The following SPRTN variants were observed in gnomAD, a reference collection of about 807,000 sequenced individuals.
The protein encoded by SPRTN is DNA-dependent metalloprotease SPRTN.
Under a neutral mutation model 31.9 loss-of-function variants are expected in SPRTN, and 11 were observed. The ratio of observed to expected loss-of-function variants is 0.34; its 90% CI spans 0.22 to 0.57. The LOEUF is 0.57. Among genes scored for constraint, SPRTN ranks in the 20% least tolerant of loss-of-function variants. The pLI is 0.86. For missense variants in SPRTN, 482 were observed against 590.1 expected (o/e 0.82, Z 1.90); for synonymous variants, 185 against 212.1 (o/e 0.87, Z 1.11).
chr1:231,347,706 A>C, intron 2 of SPRTN, 91 bp from the exon 3 acceptor site: 1 of 1,430,598 alleles, frequency 7.0e-7, no homozygotes, highest in Non-Finnish European at 9.3e-7. Context: ...TGTGATACAG[A>C]AAAGGTTAGA....
At chr1:231,346,786 A>G (rs1489310945) in intron 2 of SPRTN, among the ~76,000 whole-genome samples, 1 of 152,122 alleles carries the variant, frequency 6.6e-6, no homozygotes, top group Non-Finnish European at 1.5e-5. Context: ...CTACTAAAAT[A>G]CAAAAATTAG....
At chr1:231,351,147 A>T (rs1194885738) in intron 3 of SPRTN, among the ~76,000 whole-genome samples, 157 bp from the exon 4 acceptor site, 1 of 148,448 alleles carries the variant, frequency 6.7e-6, no homozygotes, top group Non-Finnish European at 1.5e-5. Flanking sequence ...AACTAAATAT[A>T]GTTGCTTTCT....
chr1:231,340,003 G>A (rs1305263907), intron 2 of SPRTN, 135 bp downstream of exon 2: 2 of 664,162 alleles, frequency 3.0e-6, no homozygotes, highest in East Asian at 2.8e-5. Context: ...GAATTATGGG[G>A]CAAACAATAA....
chr1:231,339,947 C>A, intron 2 of SPRTN, 79 bp downstream of exon 2: 1 of 1,365,098 alleles, frequency 7.3e-7, no homozygotes, highest in Non-Finnish European at 1.0e-6. Flanking sequence ...GTGAATTCGC[C>A]TGTATGTATC....
chr1:231,352,506 C>CTAGTA, intron 4 of SPRTN, 104 bp from the exon 5 acceptor site: 3 of 1,489,952 alleles, frequency 2.0e-6, no homozygotes, highest in South Asian at 1.5e-5. Context: ...GAATAAAATA[C>CTAGTA]TAGTTCTTCA....
intron 3 of SPRTN, 98 bp downstream of exon 3, chr1:231,348,023 C>T: frequency 2.7e-6 from 4 of 1,495,576 alleles, no homozygotes; most frequent in Non-Finnish European, 3.6e-6. Context: ...AAACAAGTAT[C>T]TTTGAGGATT....
chr1:231,340,055 A>AC (rs1043583443), intron 2 of SPRTN, 187 bp downstream of exon 2: 37 of 500,320 alleles, frequency 7.4e-5, no homozygotes, highest in Non-Finnish European at 1.1e-4. Context: ...AGTAAAAAAA[A>AC]AAAAAACAAA....
intron 2 of SPRTN, among the ~76,000 whole-genome samples, chr1:231,343,899 A>G (rs1686975215): frequency 6.6e-6 from 1 of 152,128 alleles, no homozygotes; most frequent in Non-Finnish European, 1.5e-5. Context: ...AACAAAAGTG[A>G]GTTCAGACAA....
intron 2 of SPRTN, among the ~76,000 whole-genome samples, chr1:231,341,510 A>T (rs751430536): frequency 2.6e-5 from 4 of 152,122 alleles, no homozygotes; most frequent in Non-Finnish European, 4.4e-5. Flanking sequence ...TGGATTGTCA[A>T]ATTAGGGATG....
chr1:231,342,922 A>G (rs1686941466), intron 2 of SPRTN, among the ~76,000 whole-genome samples: 1 of 151,790 alleles, frequency 6.6e-6, no homozygotes, highest in South Asian at 2.1e-4. Context: ...TTTTTTTACT[A>G]GAGACGGGGT....
chr1:231,339,923 T>C, intron 2 of SPRTN, 55 bp downstream of exon 2: 2 of 1,513,660 alleles, frequency 1.3e-6, no homozygotes, highest in Middle Eastern at 3.4e-4. Flanking sequence ...TACTTGTCAA[T>C]GATTTAGACT....
intron 3 of SPRTN, among the ~76,000 whole-genome samples, chr1:231,348,194 C>A (rs1468700573): frequency 1.3e-5 from 2 of 152,200 alleles, no homozygotes; most frequent in Non-Finnish European, 2.9e-5. Flanking sequence ...CTTCTGGAAT[C>A]ATCATGATCT....
Position 231,352,985 on chromosome 1 carries a change from C to T in SPRTN, c.1094C>T (p.Ser365Phe), listed in dbSNP as rs1318779022. The change falls in exon 5 of 5, where the codon TCT becomes TTT. Residue 365 changes from serine (S) to phenylalanine (F), a missense_variant. By Grantham distance (155) the Ser-to-Phe change is radical. This residue lies in a region of SPRTN where 325 missense variants were observed against 350.2 expected (regional missense o/e 0.93). Coordinates refer to ENST00000295050, the MANE Select transcript of SPRTN (RefSeq NM_032018.7). ...GGCAACATCCCTAAAAACTCAGTCT[C>T]TTCTAGTTCTCAGAGAAGGGTTTCA... ...TVGNIPKNSVSSSSQRRVSSS... is the reference protein window; with the variant it reads ...TVGNIPKNSVFSSSQRRVSSS... 1 of 1,614,132 alleles carries T rather than the reference C, an allele frequency of 6.2e-7. No individual in the cohort carries two copies. The highest frequency in any genetic ancestry group is 8.5e-7 in the Non-Finnish European group (1 of 1,179,996).
chr1:231,343,907 C>A (rs1393102904), intron 2 of SPRTN, among the ~76,000 whole-genome samples: 1 of 152,036 alleles, frequency 6.6e-6, no homozygotes, highest in East Asian at 1.9e-4. Context: ...TGAGTTCAGA[C>A]AACTGGGGGC....
At chr1:231,346,166 A>AC (rs1312451754) in intron 2 of SPRTN, among the ~76,000 whole-genome samples, 9 of 124,134 alleles carry the variant, frequency 7.3e-5, no homozygotes, top group Non-Finnish European at 1.2e-4. Context: ...AAAGTTGGGC[A>AC]TTTTTTCTTT....
chr1:231,340,062 C>CA (rs1159390029), intron 2 of SPRTN, 194 bp downstream of exon 2: 86 of 349,046 alleles, frequency 2.5e-4, no homozygotes, highest in East Asian at 9.5e-4. Flanking sequence ...AAAAAAAAAA[C>CA]AAAAAAAAGG....
chr1:231,348,769 C>T (rs747748399), intron 3 of SPRTN, among the ~76,000 whole-genome samples: 4 of 152,114 alleles, frequency 2.6e-5, no homozygotes, highest in African/African-American at 9.7e-5. Flanking sequence ...TAAGCTATTA[C>T]AATTTTTTAT....
chr1:231,339,466 G>T (rs1343048077), intron 1 of SPRTN: 1 of 599,038 alleles, frequency 1.7e-6, no homozygotes, highest in Non-Finnish European at 3.1e-6. Flanking sequence ...CTAGGTCCCC[G>T]TTGTACACCA....
chr1:231,339,649 G>A (rs1185085136), intron 1 of SPRTN, 120 bp from the exon 2 acceptor site: 6 of 1,006,906 alleles, frequency 6.0e-6, no homozygotes, highest in East Asian at 2.4e-5. Flanking sequence ...TGCTAACCAA[G>A]GGGGGTATAC....
Sources: allele counts gnomAD v4.1 joint callset (sites outside exome capture counted in the v4.1 genomes callset), GRCh38; gene constraint gnomAD v4.1.1; regional missense constraint gnomAD v4.1.1; transcripts MANE v1.5; gene names NCBI Gene and HGNC (gene_info 2026-07-23, HGNC 2026-07-21).